Variants in PPM1E observed in about 807,000 individuals in gnomAD.
PPM1E encodes protein phosphatase 1E.
A neutral mutation model predicts 65.9 loss-of-function variants in PPM1E; 20 were observed. The ratio of observed to expected loss-of-function variants is 0.30; its 90% CI spans 0.21 to 0.44. The LOEUF is 0.44. Among genes scored for constraint, PPM1E ranks in the 20% least tolerant of loss-of-function variants. PPM1E has a pLI of 1.00. For synonymous variants in PPM1E, 352 were observed against 374.9 expected (o/e 0.94, Z 0.70); for missense variants, 713 against 953.1 (o/e 0.75, Z 3.32).
intron 1 of PPM1E, among the ~76,000 whole-genome samples, chr17:58,763,661 A>G (rs1018537547): frequency 7.2e-5 from 11 of 152,134 alleles, no homozygotes; most frequent in Admixed American, 6.6e-5. Context: ...TTTTAAATTT[A>G]TTAGGTATTG....
chr17:58,766,241 G>C (rs2049876681), intron 1 of PPM1E, among the ~76,000 whole-genome samples: 1 of 118,362 alleles, frequency 8.4e-6, no homozygotes, highest in African/African-American at 3.4e-5. Flanking sequence ...TCGCTCTGCT[G>C]CCCAGGCTGG....
intron 1 of PPM1E, among the ~76,000 whole-genome samples, chr17:58,955,033 T>G (rs1299625911): frequency 1.3e-5 from 2 of 152,140 alleles, no homozygotes; most frequent in Non-Finnish European, 2.9e-5. Flanking sequence ...CCCCTCTTTA[T>G]TATTCTCTGT....
intron 1 of PPM1E, among the ~76,000 whole-genome samples, chr17:58,944,818 T>C (rs2052124856): frequency 6.6e-6 from 1 of 152,188 alleles, no homozygotes; most frequent in African/African-American, 2.4e-5. Flanking sequence ...TTTTTGTGAA[T>C]ATATGTTTTT....
At chr17:58,940,127 AT>A (rs768386464) in intron 1 of PPM1E, among the ~76,000 whole-genome samples, 25 of 152,202 alleles carry the variant, frequency 1.6e-4, no homozygotes, top group Non-Finnish European at 3.7e-4. Context: ...AACTTTCTGT[AT>A]CAGGATCTTT....
At chr17:58,809,783 A>G (rs1331391097) in intron 1 of PPM1E, among the ~76,000 whole-genome samples, 2 of 152,226 alleles carry the variant, frequency 1.3e-5, no homozygotes, top group Non-Finnish European at 2.9e-5. Context: ...TTCTTGTGAT[A>G]TCATGTAATA....
intron 2 of PPM1E, among the ~76,000 whole-genome samples, chr17:58,959,644 G>A (rs1305129875): frequency 1.3e-5 from 2 of 148,836 alleles, no homozygotes; most frequent in Admixed American, 1.3e-4. Context: ...TGGGATTACA[G>A]GCGTGAGCCA....
intron 1 of PPM1E, among the ~76,000 whole-genome samples, chr17:58,895,888 G>A (rs993335885): frequency 6.7e-6 from 1 of 149,154 alleles, no homozygotes; most frequent in Non-Finnish European, 1.5e-5. Context: ...GGCATATCAC[G>A]AGGTCAGGAG....
At chr17:58,818,406 G>C (rs931817956) in intron 1 of PPM1E, among the ~76,000 whole-genome samples, 30 of 152,240 alleles carry the variant, frequency 2.0e-4, no homozygotes, top group African/African-American at 7.2e-4. Context: ...CTACATGTTG[G>C]CACTGATGAA....
chr17:58,905,186 A>T (rs2051543835), intron 1 of PPM1E, among the ~76,000 whole-genome samples: 1 of 152,174 alleles, frequency 6.6e-6, no homozygotes, highest in South Asian at 2.1e-4. Flanking sequence ...CCTAATCAGT[A>T]TACCTTTTAA....
At chr17:58,974,579 C>T (rs1473291212) in intron 6 of PPM1E, among the ~76,000 whole-genome samples, 1 of 152,132 alleles carries the variant, frequency 6.6e-6, no homozygotes, top group African/African-American at 2.4e-5. Flanking sequence ...CTTAGCTTCA[C>T]TTCCTGTTTT....
In PPM1E at chr17:58,981,618, TGTG is replaced by T. The variant is rs1404124497; in HGVS notation, c.*588_*590del. The T allele has an allele frequency of 6.6e-6, 1 of 152,658 alleles. No homozygotes were observed. Among genetic ancestry groups the T allele is most frequent in the East Asian group, 1.9e-4 (1 of 5,198 alleles). 9.5% of individuals were successfully genotyped at this position (152,658 alleles called of 1,614,324 possible). On this transcript the variant is annotated 3_prime_UTR_variant, in exon 7 of 7. Coordinates refer to ENST00000308249, the MANE Select transcript of PPM1E (RefSeq NM_014906.5). ...TGTAAAAGTGTCATATTCTCAGACT[TGTG>T]AGGCGGTTTATAGTCAGAAAGATTT...
At chr17:58,776,172 TA>T (rs200121665) in intron 1 of PPM1E, among the ~76,000 whole-genome samples, 1,732 of 151,788 alleles carry the variant, frequency 0.011, 14 homozygotes, top group Middle Eastern at 0.041. Context: ...AAAAACCTTT[TA>T]AAAATTAGCC....
At chr17:58,858,739 G>T (rs2050909575) in intron 1 of PPM1E, among the ~76,000 whole-genome samples, 1 of 152,122 alleles carries the variant, frequency 6.6e-6, no homozygotes. Context: ...ACATATGTTG[G>T]TTATTATGTA....
Position 58,771,397 on chromosome 17 carries a change from G to A in PPM1E, c.464+14936G>A, listed in dbSNP as rs1409377711. On this transcript the variant is annotated intron_variant, in intron 1 of 6. Transcript: ENST00000308249. ...TCCCAGCACTTTGGGAGGCCGAGGC[G>A]GGTGGATCACAAGGTCAAGAGATCG... 3.3e-5 allele frequency among the ~76,000 whole-genome samples: 5 copies of A among 151,292 alleles called. No homozygotes were observed. In the East Asian group the frequency reaches 5.8e-4, roughly 18 times the overall value.
At chr17:58,966,121 C>G in intron 3 of PPM1E, 4 of 558,148 alleles carry the variant, frequency 7.2e-6, no homozygotes, top group Middle Eastern at 2.7e-4. Flanking sequence ...ATAAAAATGT[C>G]TCTTATCCTT....
At chr17:58,844,447 T>TA (rs2050751869) in intron 1 of PPM1E, among the ~76,000 whole-genome samples, 1 of 152,172 alleles carries the variant, frequency 6.6e-6, no homozygotes, top group Admixed American at 6.6e-5. Context: ...CAGAAGAGAT[T>TA]AAAAACTATC....
intron 1 of PPM1E, among the ~76,000 whole-genome samples, chr17:58,944,357 C>T (rs1390174063): frequency 6.6e-6 from 1 of 152,200 alleles, no homozygotes; most frequent in Non-Finnish European, 1.5e-5. Flanking sequence ...CTTCACATGA[C>T]TTGCCTTTTT....
intron 1 of PPM1E, among the ~76,000 whole-genome samples, chr17:58,758,520 T>C (rs2049791764): frequency 6.8e-6 from 1 of 146,926 alleles, no homozygotes; most frequent in Non-Finnish European, 1.5e-5. Flanking sequence ...AGAGCAAGAC[T>C]CCGTCTCAAA....
At chr17:58,862,340 A>G (rs1016777081) in intron 1 of PPM1E, among the ~76,000 whole-genome samples, 1 of 152,198 alleles carries the variant, frequency 6.6e-6, no homozygotes, top group East Asian at 1.9e-4. Flanking sequence ...TGCATAATGG[A>G]AATGTTGGAA....
Sources: allele counts gnomAD v4.1 joint callset (sites outside exome capture counted in the v4.1 genomes callset), GRCh38; gene constraint gnomAD v4.1.1; transcripts MANE v1.5; gene names NCBI Gene and HGNC (gene_info 2026-07-23, HGNC 2026-07-21).